ZBTB20: variants seen among roughly 807,000 people sequenced by gnomAD.
ZBTB20 encodes zinc finger and BTB domain containing 20, also known as zinc finger and BTB domain-containing protein 20.
In ZBTB20, 9 loss-of-function variants were observed where a neutral mutation model predicts 56.9. The ratio of observed to expected loss-of-function variants is 0.16; its 90% CI spans 0.10 to 0.28. The LOEUF (loss-of-function observed/expected upper bound fraction) is 0.28, where lower values mean the gene tolerates loss of function less well. Among genes scored for constraint, ZBTB20 ranks in the 10% least tolerant of loss-of-function variants. The pLI is 1.00. For missense variants in ZBTB20, 655 were observed against 1,003.0 expected, an observed-to-expected ratio of 0.65 and a Z score of 4.69; for synonymous variants, 417 against 420.7, an observed-to-expected ratio of 0.99 and a Z score of 0.11.
At chr3:114,365,513 G>A (rs1323274374) in intron 10 of ZBTB20, among the ~76,000 whole-genome samples, 3 of 152,114 alleles carry the variant, frequency 2.0e-5, no homozygotes, top group African/African-American at 7.2e-5. Context: ...TGTGTAGGGG[G>A]TGGATTTCTC....
At chr3:114,354,539 C>A (rs2081013329) in intron 10 of ZBTB20, among the ~76,000 whole-genome samples, 1 of 150,100 alleles carries the variant, frequency 6.7e-6, no homozygotes. Context: ...TTCCTTACAA[C>A]AATCCTATGT....
chr3:115,093,480 A>G (rs1210792911), intron 1 of ZBTB20, among the ~76,000 whole-genome samples: 1 of 152,152 alleles, frequency 6.6e-6, no homozygotes, highest in Non-Finnish European at 1.5e-5. Context: ...TGGTTTCAGA[A>G]AGCCATTATG....
intron 1 of ZBTB20, among the ~76,000 whole-genome samples, chr3:115,115,175 C>T (rs1343953376): frequency 2.0e-5 from 3 of 152,104 alleles, no homozygotes; most frequent in Non-Finnish European, 4.4e-5. Flanking sequence ...CTTGTGTGTA[C>T]TTGTGACTTC....
intron 2 of ZBTB20, among the ~76,000 whole-genome samples, chr3:114,984,825 A>C (rs2078469686): frequency 1.3e-5 from 2 of 152,144 alleles, no homozygotes; most frequent in African/African-American, 2.4e-5. Flanking sequence ...ACACAGAAAC[A>C]AACATACACT....
rs149456128 is a variant in ZBTB20 at position 114,323,871 on chromosome 3, T to G, written c.*15134A>C. 6 of 152,200 alleles carry G rather than the reference T, an allele frequency of 3.9e-5. No homozygotes were observed. In the East Asian group the frequency reaches 1.2e-3, roughly 29 times the overall value. 9.4% of individuals were successfully genotyped at this position (152,200 alleles called of 1,614,324 possible). ...GATGCTCCTACTTCCATAATTTGCC[T>G]TTTTCTTTCCCATACGTAACACACT... On this transcript the variant is annotated 3_prime_UTR_variant, in exon 12 of 12. Coordinates refer to ENST00000675478, the MANE Select transcript of ZBTB20 (RefSeq NM_001348800.3).
intron 4 of ZBTB20, among the ~76,000 whole-genome samples, chr3:114,878,574 T>C (rs1455694019): frequency 2.5e-4 from 8 of 32,134 alleles, no homozygotes; most frequent in Non-Finnish European, 3.4e-4. Context: ...TCTTGGAGAA[T>C]TAAAAAAAAA....
chr3:114,386,208 T>G (rs2085104150), intron 8 of ZBTB20, among the ~76,000 whole-genome samples: 1 of 152,240 alleles, frequency 6.6e-6, no homozygotes, highest in Admixed American at 6.5e-5. Context: ...TTTCTCTACC[T>G]GGTCTGATGT....
chr3:114,672,047 T>C (rs2061385559), intron 6 of ZBTB20, among the ~76,000 whole-genome samples: 1 of 152,184 alleles, frequency 6.6e-6, no homozygotes, highest in African/African-American at 2.4e-5. Context: ...GGATGCAGTA[T>C]GTCTGTCTAT....
At chr3:115,094,679 T>A (rs1307016789) in intron 1 of ZBTB20, among the ~76,000 whole-genome samples, 1 of 151,910 alleles carries the variant, frequency 6.6e-6, no homozygotes, top group African/African-American at 2.4e-5. Flanking sequence ...ACAATTTAAT[T>A]ACAACAGTAA....
intron 4 of ZBTB20, among the ~76,000 whole-genome samples, chr3:114,826,020 A>G (rs907768482): frequency 6.6e-6 from 1 of 151,800 alleles, no homozygotes; most frequent in Non-Finnish European, 1.5e-5. Flanking sequence ...AACTGGGAAT[A>G]AAACTATCAC....
intron 4 of ZBTB20, among the ~76,000 whole-genome samples, chr3:114,805,783 A>G (rs998638520): frequency 6.6e-6 from 1 of 151,842 alleles, no homozygotes; most frequent in Non-Finnish European, 1.5e-5. Flanking sequence ...CCCAGACAAC[A>G]AATATTTTCT....
At chr3:115,097,343 T>G (rs910470761) in intron 1 of ZBTB20, among the ~76,000 whole-genome samples, 2 of 151,800 alleles carry the variant, frequency 1.3e-5, no homozygotes, top group African/African-American at 4.8e-5. Flanking sequence ...CACGCCCAGG[T>G]AGTTTTTGTA....
intron 6 of ZBTB20, among the ~76,000 whole-genome samples, chr3:114,502,037 A>T (rs1168016352): frequency 6.6e-6 from 1 of 152,076 alleles, no homozygotes; most frequent in Non-Finnish European, 1.5e-5. Flanking sequence ...TTCTCTTAGA[A>T]GGATAAAACT....
chr3:114,453,294 A>G (rs1278194373), intron 7 of ZBTB20, among the ~76,000 whole-genome samples: 1 of 152,188 alleles, frequency 6.6e-6, no homozygotes, highest in Non-Finnish European at 1.5e-5. Flanking sequence ...AGAAGGGGCA[A>G]GAAATCTCTC....
intron 6 of ZBTB20, among the ~76,000 whole-genome samples, chr3:114,525,559 G>A (rs941599388): frequency 1.3e-5 from 2 of 152,082 alleles, no homozygotes; most frequent in African/African-American, 4.8e-5. Context: ...CATGAGGCCT[G>A]CTGATTTCTC....
intron 2 of ZBTB20, among the ~76,000 whole-genome samples, chr3:114,985,935 C>A (rs892527998): frequency 6.6e-6 from 1 of 152,002 alleles, no homozygotes; most frequent in Non-Finnish European, 1.5e-5. Flanking sequence ...CAGCCATAAG[C>A]AATAAACATA....
intron 3 of ZBTB20, among the ~76,000 whole-genome samples, chr3:114,954,768 A>AT (rs1431509404): frequency 1.3e-5 from 2 of 152,174 alleles, no homozygotes; most frequent in Non-Finnish European, 2.9e-5. Context: ...TCAACTGCAA[A>AT]TACTGTTAGA....
At chr3:114,515,296 T>C (rs1325842667) in intron 6 of ZBTB20, among the ~76,000 whole-genome samples, 2 of 152,190 alleles carry the variant, frequency 1.3e-5, no homozygotes, top group African/African-American at 4.8e-5. Context: ...TGGACGCCCA[T>C]GGTTGTTAAC....
intron 5 of ZBTB20, among the ~76,000 whole-genome samples, chr3:114,781,091 G>A (rs1275501867): frequency 6.6e-6 from 1 of 152,026 alleles, no homozygotes; most frequent in Non-Finnish European, 1.5e-5. Context: ...TGATACTAAG[G>A]AATAAATATA....
Sources: gnomAD v4.1 joint callset for allele counts (sites outside exome capture counted in the v4.1 genomes callset) on GRCh38, gnomAD v4.1.1 for gene constraint, MANE v1.5 for transcripts, NCBI Gene and HGNC (gene_info 2026-07-23, HGNC 2026-07-21) for gene names.